Variants in C1QTNF9 observed in about 807,000 individuals in gnomAD.
C1QTNF9 encodes complement C1q and tumor necrosis factor-related protein 9A.
Under a neutral mutation model 10.1 loss-of-function variants are expected in C1QTNF9, and 6 were observed. The observed-to-expected ratio is 0.59, with a 90% CI of 0.32 to 1.17. The LOEUF is 1.17. Among genes scored for constraint, C1QTNF9 ranks in the 50% most tolerant of loss-of-function variants. The probability of loss-of-function intolerance (pLI) is 0.04; values close to 1 mark genes in which losing one functional copy is unlikely to be tolerated. For synonymous variants in C1QTNF9, 98 were observed against 163.5 expected, an observed-to-expected ratio of 0.60 and a Z score of 3.06; for missense variants, 201 against 418.8, an observed-to-expected ratio of 0.48 and a Z score of 4.54.
intron 2 of C1QTNF9, 56 bp from the exon 3 acceptor site, chr13:24,318,762 C>T: frequency 6.2e-7 from 1 of 1,610,974 alleles, no homozygotes; most frequent in Non-Finnish European, 8.5e-7. Flanking sequence ...GACCAATGGC[C>T]AGAAAAATCA....
upstream of C1QTNF9, among the ~76,000 whole-genome samples, chr13:24,307,805 C>G (rs1347592531): frequency 6.6e-6 from 1 of 152,224 alleles, no homozygotes; most frequent in Non-Finnish European, 1.5e-5. Flanking sequence ...TAAGCGCGCC[C>G]CTACTCTGCA....
Position 24,321,657 on chromosome 13 carries a change from C to G in C1QTNF9, c.891C>G (p.Leu297=), listed in dbSNP as rs138661539. 1,326 of 1,614,114 alleles carry G rather than the reference C, an allele frequency of 8.2e-4. 9 individuals are homozygous for G. In the African/African-American group the frequency reaches 0.016, roughly 19 times the overall value. The stretch of plus-strand genomic sequence containing the variant: ...GCGGCATTGTCCTGCAGCTGAAGCT[C>G]GGGGATGAGGTGTGGCTGCAGGTGA... Residue 297 remains leucine, a synonymous_variant, in exon 4 of 4, where the codon CTC becomes CTG. Transcript: ENST00000332018.
At chr13:24,313,384 A>T (rs929287032) in intron 1 of C1QTNF9, among the ~76,000 whole-genome samples, 9 of 152,202 alleles carry the variant, frequency 5.9e-5, no homozygotes. Context: ...TGATCATTTT[A>T]TTCCTGGAAT....
chr13:24,319,474 G>A (rs1324692677), intron 3 of C1QTNF9, among the ~76,000 whole-genome samples: 1 of 152,122 alleles, frequency 6.6e-6, no homozygotes, highest in African/African-American at 2.4e-5. Flanking sequence ...GGGAGGTTGG[G>A]GCTGCCATGA....
upstream of C1QTNF9, among the ~76,000 whole-genome samples, chr13:24,308,957 G>A (rs911048106): frequency 6.6e-6 from 1 of 152,166 alleles, no homozygotes; most frequent in African/African-American, 2.4e-5. Context: ...GTGTGATTGT[G>A]AGAGGGGAAT....
intron 1 of C1QTNF9, among the ~76,000 whole-genome samples, chr13:24,313,949 G>A (rs1479762072): frequency 6.6e-6 from 1 of 152,090 alleles, no homozygotes; most frequent in Admixed American, 6.5e-5. Flanking sequence ...CATAATTATT[G>A]CAGCAGTTAC....
At chr13:24,317,254 AGTGTGTGTGTGT>A (rs10663026) in intron 2 of C1QTNF9, among the ~76,000 whole-genome samples, 28 of 125,972 alleles carry the variant, frequency 2.2e-4, no homozygotes, top group Middle Eastern at 5.1e-3. Flanking sequence ...GGACCACAGT[AGTGTGTGTGTGT>A]GTGTGTGTGT....
chr13:24,316,482 C>T (rs557416071), intron 2 of C1QTNF9, among the ~76,000 whole-genome samples: 4 of 152,188 alleles, frequency 2.6e-5, no homozygotes, highest in African/African-American at 4.8e-5. Context: ...CAGTAGTATA[C>T]GATGTCATGG....
intron 1 of C1QTNF9, among the ~76,000 whole-genome samples, chr13:24,312,754 A>G (rs1448876044): frequency 1.3e-5 from 2 of 151,966 alleles, no homozygotes; most frequent in Non-Finnish European, 2.9e-5. Flanking sequence ...CAGGAAATCG[A>G]GACCATCCTG....
At chr13:24,314,855 A>T (rs1877967687) in intron 1 of C1QTNF9, among the ~76,000 whole-genome samples, 1 of 151,540 alleles carries the variant, frequency 6.6e-6, no homozygotes, top group Admixed American at 6.6e-5. Flanking sequence ...AAAATTATAT[A>T]TAAGGAAAGG....
At chr13:24,317,734 T>C (rs1878096730) in intron 2 of C1QTNF9, among the ~76,000 whole-genome samples, 1 of 151,704 alleles carries the variant, frequency 6.6e-6, no homozygotes, top group Non-Finnish European at 1.5e-5. Flanking sequence ...TGAGTTGTGG[T>C]TGCGTGATCA....
chr13:24,316,614 G>T (rs55702258), intron 2 of C1QTNF9, among the ~76,000 whole-genome samples: 1 of 152,134 alleles, frequency 6.6e-6, no homozygotes, highest in Admixed American at 6.5e-5. Flanking sequence ...AGCTAATACC[G>T]CATCATGCCA....
At chr13:24,318,727 C>G (rs1277232973) in intron 2 of C1QTNF9, 91 bp from the exon 3 acceptor site, 7 of 1,580,408 alleles carry the variant, frequency 4.4e-6, no homozygotes, top group African/African-American at 2.7e-5. Context: ...CACCCCCAGA[C>G]TCTCCAACAC....
chr13:24,312,514 G>A (rs769587964), intron 1 of C1QTNF9, among the ~76,000 whole-genome samples: 7 of 152,190 alleles, frequency 4.6e-5, no homozygotes, highest in Non-Finnish European at 5.9e-5. Context: ...CCAACCCATA[G>A]CTTTGTGAGA....
chr13:24,309,304 T>C, upstream of C1QTNF9, among the ~76,000 whole-genome samples: 2 of 141,132 alleles, frequency 1.4e-5, 1 homozygote, highest in South Asian at 4.4e-4. Context: ...TATATATATA[T>C]ATATGAAAGA....
intron 3 of C1QTNF9, among the ~76,000 whole-genome samples, chr13:24,320,758 C>T (rs1366240164): frequency 6.6e-6 from 1 of 150,934 alleles, no homozygotes; most frequent in African/African-American, 2.4e-5. Context: ...GCTATGTTGG[C>T]CAGGTTGGTC....
At chr13:24,310,578 G>A (rs547863303) in intron 1 of C1QTNF9, among the ~76,000 whole-genome samples, 4 of 146,862 alleles carry the variant, frequency 2.7e-5, no homozygotes, top group East Asian at 2.0e-4. Context: ...CATTTTTATG[G>A]CTATGCTAAT....
At chr13:24,314,722 T>C (rs1205719817) in intron 1 of C1QTNF9, among the ~76,000 whole-genome samples, 1 of 152,076 alleles carries the variant, frequency 6.6e-6, no homozygotes, top group East Asian at 1.9e-4. Context: ...TGCATGCCTG[T>C]AGTCCCAGCT....
intron 1 of C1QTNF9, among the ~76,000 whole-genome samples, chr13:24,314,426 T>C (rs1378326535): frequency 2.0e-5 from 3 of 151,704 alleles, no homozygotes; most frequent in East Asian, 1.9e-4. Flanking sequence ...CTCATGCCTG[T>C]AATCCCAGCA....
Sources: gnomAD v4.1 joint callset for allele counts (sites outside exome capture counted in the v4.1 genomes callset) on GRCh38, gnomAD v4.1.1 for gene constraint, MANE v1.5 for transcripts, NCBI Gene and HGNC (gene_info 2026-07-23, HGNC 2026-07-21) for gene names.